The following PCDHGA5 variants were observed in gnomAD, a reference collection of about 807,000 sequenced individuals.
The protein encoded by PCDHGA5 is protocadherin gamma subfamily A, 5.
Under a neutral mutation model 56.7 loss-of-function variants are expected in PCDHGA5, and 36 were observed. The ratio of observed to expected loss-of-function variants is 0.64; its 90% CI spans 0.49 to 0.84. PCDHGA5 has a LOEUF of 0.84. Among genes scored for constraint, PCDHGA5 ranks in the 40% least tolerant of loss-of-function variants. PCDHGA5 has a pLI of 0.00. For missense variants in PCDHGA5, 1,305 were observed against 1,201.5 expected, an observed-to-expected ratio of 1.09 and a Z score of -1.27; for synonymous variants, 563 against 520.2, an observed-to-expected ratio of 1.08 and a Z score of -1.12.
chr5:141,394,528 C>A (rs1465272752), intron 1 of PCDHGA5: 1 of 1,614,214 alleles, frequency 6.2e-7, no homozygotes, highest in Non-Finnish European at 8.5e-7. Flanking sequence ...ACAGACGGTT[C>A]CACTGGCGTG....
In PCDHGA5 at chr5:141,432,611, T is replaced by G. The variant is rs141541670; in HGVS notation, c.2422-62196T>G. The G allele has an allele frequency of 4.2e-4, 676 of 1,613,808 alleles. 1 individual carries two copies. The African/African-American group carries it at 5.6e-3, about 13-fold the overall frequency. On this transcript the variant is annotated intron_variant, in intron 1 of 3. Coordinates refer to ENST00000518069, the MANE Select transcript of PCDHGA5 (RefSeq NM_018918.3). This position sits in a 1 kb window ranked among gnomAD's most constrained non-coding sequence, Gnocchi z 6.0. ...CAAGGCCAGCGAGCCGGGACTCTTC[T>G]CGGTGGGTCTGCACACGGGCGAGGT...
chr5:141,410,628 T>G (rs758174899), intron 1 of PCDHGA5: 1 of 1,602,040 alleles, frequency 6.2e-7, no homozygotes, highest in South Asian at 1.1e-5. Context: ...TCGGTGAGTT[T>G]CTCTTTTTTG....
In PCDHGA5 at chr5:141,476,524, T is replaced by C. The variant is rs1350353768; in HGVS notation, c.2422-18283T>C. On this transcript the variant is annotated intron_variant, in intron 1 of 3. Coordinates refer to ENST00000518069, the MANE Select transcript of PCDHGA5 (RefSeq NM_018918.3). The surrounding 1 kb of genome is among the most constrained non-coding windows in gnomAD (Gnocchi z 7.6). ...TCAACGACAACAATCCTGCTTTCCC[T>C]ACCCAGGAAATGAAATTGGAGATTA... 6.2e-7 allele frequency: 1 copy of C among 1,614,182 alleles called. No individual in the cohort carries two copies. Among genetic ancestry groups the C allele is most frequent in the Non-Finnish European group, 8.5e-7 (1 of 1,180,028 alleles).
intron 1 of PCDHGA5, among the ~76,000 whole-genome samples, chr5:141,401,210 C>T (rs1038078572): frequency 3.9e-5 from 6 of 151,956 alleles, no homozygotes; most frequent in Non-Finnish European, 5.9e-5. Flanking sequence ...GGTGTGGTGG[C>T]GGGCGCCTGT....
At chr5:141,390,754 T>C (rs2092225927) in intron 1 of PCDHGA5, 1 of 168,266 alleles carries the variant, frequency 5.9e-6, no homozygotes, top group East Asian at 1.8e-4. Context: ...AGTCCACTGT[T>C]TTGTTTCCTG....
intron 1 of PCDHGA5, among the ~76,000 whole-genome samples, chr5:141,463,736 G>A (rs757788192): frequency 1.3e-5 from 2 of 151,992 alleles, no homozygotes; most frequent in East Asian, 3.9e-4. Flanking sequence ...ATGAGCCACC[G>A]CGCCCGGCCT....
At chr5:141,455,755 T>C (rs1283272521) in intron 1 of PCDHGA5, among the ~76,000 whole-genome samples, 1 of 152,150 alleles carries the variant, frequency 6.6e-6, no homozygotes, top group Non-Finnish European at 1.5e-5. Flanking sequence ...CTGGCCTGGC[T>C]CCTAGAGCCG....
At chr5:141,369,877 C>T (rs1191397409) in intron 1 of PCDHGA5, among the ~76,000 whole-genome samples, 2 of 152,018 alleles carry the variant, frequency 1.3e-5, no homozygotes, top group Non-Finnish European at 2.9e-5. Flanking sequence ...CTAGAGTAAG[C>T]AGAGAAGATA....
In PCDHGA5 at chr5:141,476,948, G is replaced by T; in HGVS notation, c.2422-17859G>T. 6.2e-7 allele frequency: 1 copy of T among 1,614,180 alleles called. No individual in the cohort carries two copies. On this transcript the variant is annotated intron_variant, in intron 1 of 3. Transcript: ENST00000518069. The surrounding 1 kb of genome is among the most constrained non-coding windows in gnomAD (Gnocchi z 7.6). ...GGATCTGGATGAAGGCCCCAACGGTGAAATTATTTACTCCTTCGGCAGCCA... is the reference window on the plus strand; with the variant it reads ...GGATCTGGATGAAGGCCCCAACGGTTAAATTATTTACTCCTTCGGCAGCCA...
At chr5:141,374,100 G>C (rs767728339) in intron 1 of PCDHGA5, 7 of 1,564,992 alleles carry the variant, frequency 4.5e-6, no homozygotes, top group Non-Finnish European at 6.1e-6. Flanking sequence ...CCTCCGCAGA[G>C]GCATCCGCAG....
intron 1 of PCDHGA5, chr5:141,389,721 G>A (rs1477842058): frequency 2.5e-6 from 4 of 1,612,502 alleles, no homozygotes; most frequent in Non-Finnish European, 1.7e-6. Context: ...TAGCGAGCCC[G>A]GGCTCTTCAG....
chr5:141,428,773 T>C (rs1036838681), intron 1 of PCDHGA5: 1 of 154,174 alleles, frequency 6.5e-6, no homozygotes, highest in Admixed American at 6.4e-5. Context: ...CCACTCTTAA[T>C]ATTTCCTGTT....
chr5:141,485,245 G>C lies in PCDHGA5; in HGVS notation c.2422-9562G>C. 1 of 1,614,188 alleles carries C rather than the reference G, an allele frequency of 6.2e-7. No individual in the cohort carries two copies. Among genetic ancestry groups the C allele is most frequent in the Non-Finnish European group, 8.5e-7 (1 of 1,180,008 alleles). On this transcript the variant is annotated intron_variant, in intron 1 of 3. Coordinates refer to ENST00000518069, the MANE Select transcript of PCDHGA5 (RefSeq NM_018918.3). This position sits in a 1 kb window ranked among gnomAD's most constrained non-coding sequence, Gnocchi z 5.7. The stretch of plus-strand genomic sequence containing the variant: ...CCCTTTTGTTCCTCTTTTACCACCT[G>C]GGTTACGTTTGTGGGCAGATCCGCT...
intron 2 of PCDHGA5, among the ~76,000 whole-genome samples, chr5:141,502,989 G>A (rs140974023): frequency 0.024 from 3,652 of 150,590 alleles, 56 homozygotes; most frequent in East Asian, 0.043. Context: ...GATTACAGGC[G>A]TGTGCCACCA....
At chr5:141,414,313 T>C in intron 1 of PCDHGA5, 1 of 1,613,748 alleles carries the variant, frequency 6.2e-7, no homozygotes, top group Non-Finnish European at 8.5e-7. Context: ...TGATTTAGAC[T>C]CTGAGCAGAA....
At chr5:141,392,303 A>G (rs2092505903) in intron 1 of PCDHGA5, 1 of 151,852 alleles carries the variant, frequency 6.6e-6, no homozygotes, top group South Asian at 2.1e-4. Context: ...TGAAAGTATC[A>G]TGTTTTTTTT....
intron 1 of PCDHGA5, among the ~76,000 whole-genome samples, chr5:141,465,443 C>T (rs979024871): frequency 6.6e-6 from 1 of 152,158 alleles, no homozygotes; most frequent in Non-Finnish European, 1.5e-5. Flanking sequence ...AATGATTACC[C>T]AAGAAAACTC....
Position 141,489,560 on chromosome 5 carries a change from A to C in PCDHGA5, c.2422-5247A>C, listed in dbSNP as rs749076412. On this transcript the variant is annotated intron_variant, in intron 1 of 3. Coordinates refer to ENST00000518069, the MANE Select transcript of PCDHGA5 (RefSeq NM_018918.3). This position sits in a 1 kb window ranked among gnomAD's most constrained non-coding sequence, Gnocchi z 4.5. Reference sequence around the variant, plus strand: ...AGCACCAGCTGCCTGCTGCCAGTGCAGGTGGTGACTGAACACCCCCTGGAG... The same window carrying C: ...AGCACCAGCTGCCTGCTGCCAGTGCCGGTGGTGACTGAACACCCCCTGGAG... 2 of 1,614,142 alleles carry C rather than the reference A, an allele frequency of 1.2e-6. No individual in the cohort carries two copies. Among genetic ancestry groups the C allele is most frequent in the Admixed American group, 3.3e-5 (2 of 60,024 alleles).
At chr5:141,433,129 C>T in intron 1 of PCDHGA5, 1 of 1,614,130 alleles carries the variant, frequency 6.2e-7, no homozygotes, top group Non-Finnish European at 8.5e-7. Context: ...AAAGCGAGCC[C>T]CTTTTGCTGT....
Sources: allele counts gnomAD v4.1 joint callset (sites outside exome capture counted in the v4.1 genomes callset), GRCh38; gene constraint gnomAD v4.1.1; non-coding constraint Gnocchi (gnomAD v3.1); transcripts MANE v1.5; gene names NCBI Gene and HGNC (gene_info 2026-07-23, HGNC 2026-07-21).